NUBPL: variants seen among roughly 807,000 people sequenced by gnomAD.
NUBPL encodes the protein NUBP iron-sulfur cluster assembly factor, mitochondrial.
A neutral mutation model predicts 45.7 loss-of-function variants in NUBPL; 31 were observed. The observed-to-expected ratio is 0.68, with a 90% CI of 0.51 to 0.92. The LOEUF is 0.92. Among genes scored for constraint, NUBPL ranks in the 40% least tolerant of loss-of-function variants. The pLI is 0.00. For missense variants in NUBPL, 401 were observed against 398.7 expected (o/e 1.01, Z -0.05); for synonymous variants, 144 against 140.9 (o/e 1.02, Z -0.15).
intron 4 of NUBPL, among the ~76,000 whole-genome samples, chr14:31,606,717 G>T (rs1291280121): frequency 1.3e-5 from 2 of 152,152 alleles, no homozygotes; most frequent in Non-Finnish European, 2.9e-5. Context: ...CCTCTTTGGG[G>T]TATCATAGAT....
chr14:31,744,617 CTTTTTTTTTTT>C (rs34367142), intron 6 of NUBPL, among the ~76,000 whole-genome samples: 1 of 103,922 alleles, frequency 9.6e-6, no homozygotes, highest in Admixed American at 1.1e-4. Context: ...TTTGTAGAAT[CTTTTTTTTTTT>C]TTTTTTTTTT....
chr14:31,758,601 A>G (rs1445139381), intron 6 of NUBPL, among the ~76,000 whole-genome samples: 1 of 152,146 alleles, frequency 6.6e-6, no homozygotes, highest in Non-Finnish European at 1.5e-5. Flanking sequence ...AAAATTGGGT[A>G]ATAGTTCTTG....
At chr14:31,591,310 C>T (rs2034136792) in intron 3 of NUBPL, among the ~76,000 whole-genome samples, 1 of 152,052 alleles carries the variant, frequency 6.6e-6, no homozygotes, top group South Asian at 2.1e-4. Flanking sequence ...TTACAGGTGC[C>T]GCCACCATGC....
chr14:31,674,484 C>A (rs2036645205), intron 6 of NUBPL, among the ~76,000 whole-genome samples: 1 of 152,024 alleles, frequency 6.6e-6, no homozygotes, highest in African/African-American at 2.4e-5. Flanking sequence ...TCATTTAAGT[C>A]TCTTGGTTTC....
intron 4 of NUBPL, among the ~76,000 whole-genome samples, chr14:31,646,343 C>T (rs1001699583): frequency 6.6e-6 from 1 of 152,128 alleles, no homozygotes; most frequent in East Asian, 1.9e-4. Flanking sequence ...CCCGCCCCCA[C>T]GCCTGGCTAA....
At chr14:31,623,239 A>G (rs756332183) in intron 4 of NUBPL, among the ~76,000 whole-genome samples, 1 of 152,232 alleles carries the variant, frequency 6.6e-6, no homozygotes, top group Non-Finnish European at 1.5e-5. Flanking sequence ...ATGCAATGCC[A>G]GTACCCCCAT....
chr14:31,584,547 A>G (rs940613763), intron 3 of NUBPL, among the ~76,000 whole-genome samples: 15 of 152,162 alleles, frequency 9.9e-5, no homozygotes, highest in African/African-American at 3.6e-4. Context: ...ACCACCACCA[A>G]TTTGAGAACA....
chr14:31,812,170 T>G (rs919680608), intron 7 of NUBPL, among the ~76,000 whole-genome samples: 3 of 152,180 alleles, frequency 2.0e-5, no homozygotes, highest in African/African-American at 7.2e-5. Context: ...ACTGCTCTTT[T>G]CAGAGCTGTC....
intron 4 of NUBPL, among the ~76,000 whole-genome samples, chr14:31,641,261 T>C (rs2035689402): frequency 6.6e-6 from 1 of 152,184 alleles, no homozygotes; most frequent in African/African-American, 2.4e-5. Flanking sequence ...ATCTTATTTC[T>C]TTTATATAAC....
chr14:31,648,858 G>A (rs1387848039), intron 4 of NUBPL, among the ~76,000 whole-genome samples: 1 of 152,192 alleles, frequency 6.6e-6, no homozygotes, highest in Non-Finnish European at 1.5e-5. Flanking sequence ...CGCCAGGCTG[G>A]AGCGCAGTGG....
At chr14:31,730,687 C>T (rs1032430172) in intron 6 of NUBPL, among the ~76,000 whole-genome samples, 12 of 151,986 alleles carry the variant, frequency 7.9e-5, no homozygotes, top group Admixed American at 4.6e-4. Flanking sequence ...AGGATGGTCT[C>T]GATCTCCTGA....
At chr14:31,656,673 C>T (rs2036148436) in intron 4 of NUBPL, among the ~76,000 whole-genome samples, 1 of 152,098 alleles carries the variant, frequency 6.6e-6, no homozygotes. Context: ...TATGTGGGTG[C>T]AGTTCATGGT....
At chr14:31,803,132 A>G (rs1365169131) in intron 7 of NUBPL, among the ~76,000 whole-genome samples, 1 of 152,156 alleles carries the variant, frequency 6.6e-6, no homozygotes, top group Non-Finnish European at 1.5e-5. Context: ...CCTATTGGGG[A>G]TTGGAGGATC....
chr14:31,683,162 T>A (rs1464659903), intron 6 of NUBPL, among the ~76,000 whole-genome samples: 2 of 151,680 alleles, frequency 1.3e-5, no homozygotes, highest in Non-Finnish European at 2.9e-5. Flanking sequence ...CCTCCAACAT[T>A]GGAGATACAA....
At chr14:31,792,661 A>G (rs994465954) in intron 7 of NUBPL, among the ~76,000 whole-genome samples, 1 of 152,148 alleles carries the variant, frequency 6.6e-6, no homozygotes, top group African/African-American at 2.4e-5. Flanking sequence ...TTTTATAATT[A>G]TAAAAAATAG....
At chr14:31,835,695 C>T (rs2040269895) in intron 8 of NUBPL, among the ~76,000 whole-genome samples, 1 of 152,112 alleles carries the variant, frequency 6.6e-6, no homozygotes, top group Non-Finnish European at 1.5e-5. Context: ...GGACACAGGC[C>T]CCCCCATTCA....
At chr14:31,719,435 T>G (rs540772698) in intron 6 of NUBPL, among the ~76,000 whole-genome samples, 3 of 152,070 alleles carry the variant, frequency 2.0e-5, no homozygotes, top group South Asian at 2.1e-4. Context: ...TATAAATAAA[T>G]TAAATGGGAA....
chr14:31,659,469 A>G (rs1400106690), intron 4 of NUBPL, among the ~76,000 whole-genome samples: 2 of 152,222 alleles, frequency 1.3e-5, no homozygotes, highest in Non-Finnish European at 1.5e-5. Flanking sequence ...ATGGTTGTGT[A>G]TGGGTTGCTG....
At chr14:31,821,732 C>T (rs929081098) in intron 7 of NUBPL, among the ~76,000 whole-genome samples, 5 of 152,236 alleles carry the variant, frequency 3.3e-5, no homozygotes, top group Admixed American at 6.5e-5. Flanking sequence ...GGTATCTGTA[C>T]TCCCATGTTT....
Sources: gnomAD v4.1 joint callset for allele counts (sites outside exome capture counted in the v4.1 genomes callset) on GRCh38, gnomAD v4.1.1 for gene constraint, MANE v1.5 for transcripts, NCBI Gene and HGNC (gene_info 2026-07-23, HGNC 2026-07-21) for gene names.